Variants in ANK3 observed in about 807,000 individuals in gnomAD.
ANK3 encodes the protein ankyrin-3.
ANK3 carries 57 observed loss-of-function variants against 370.9 expected under a neutral mutation model. The ratio of observed to expected loss-of-function variants is 0.15; its 90% CI spans 0.12 to 0.19. The LOEUF is 0.19. Among genes scored for constraint, ANK3 ranks in the 10% least tolerant of loss-of-function variants. The probability of loss-of-function intolerance (pLI) is 1.00; values close to 1 mark genes in which losing one functional copy is unlikely to be tolerated. For missense variants in ANK3, 4,439 were observed against 5,302.1 expected (o/e 0.84, Z 5.06); for synonymous variants, 1,929 against 1,946.3 (o/e 0.99, Z 0.23).
chr10:60,372,136 C>T (rs1199246721), intron 1 of ANK3, among the ~76,000 whole-genome samples: 1 of 152,032 alleles, frequency 6.6e-6, no homozygotes, highest in Admixed American at 6.6e-5. Context: ...TATTTCAAAG[C>T]CAACCAAGAG....
At chr10:60,364,140 A>C (rs2059064440) in intron 1 of ANK3, among the ~76,000 whole-genome samples, 1 of 151,886 alleles carries the variant, frequency 6.6e-6, no homozygotes, top group South Asian at 2.1e-4. Context: ...CTAAAAATAC[A>C]AAAATTAGCC....
At chr10:60,444,438 G>T (rs2064384697) in intron 2 of ANK3, among the ~76,000 whole-genome samples, 1 of 149,470 alleles carries the variant, frequency 6.7e-6, no homozygotes, top group Non-Finnish European at 1.5e-5. Context: ...ACGTGTGTGT[G>T]TGTGTGTATA....
intron 1 of ANK3, among the ~76,000 whole-genome samples, chr10:60,687,536 AC>A (rs2079286629): frequency 6.9e-6 from 1 of 144,014 alleles, no homozygotes; most frequent in Admixed American, 6.8e-5. Flanking sequence ...ATAAAAAAAA[AC>A]ACACACACAC....
chr10:60,390,518 A>T (rs945014431), upstream of ANK3, among the ~76,000 whole-genome samples: 3 of 152,150 alleles, frequency 2.0e-5, no homozygotes, highest in Non-Finnish European at 4.4e-5. Flanking sequence ...CAATGACTGC[A>T]GCCTCTGAAT....
intron 28 of ANK3, among the ~76,000 whole-genome samples, chr10:60,088,651 G>A (rs144110227): frequency 1.8e-3 from 267 of 152,180 alleles, no homozygotes; most frequent in Non-Finnish European, 2.5e-3. Context: ...TCTCGAACTC[G>A]CGACCTCCGG....
intron 1 of ANK3, among the ~76,000 whole-genome samples, chr10:60,350,422 TG>T (rs1268628165): frequency 3.3e-5 from 5 of 152,136 alleles, no homozygotes; most frequent in Non-Finnish European, 7.4e-5. Flanking sequence ...TCAAGCAATA[TG>T]GGGTCTTCTA....
intron 1 of ANK3, among the ~76,000 whole-genome samples, chr10:60,731,840 CT>C (rs1411320411): frequency 6.6e-6 from 1 of 152,172 alleles, no homozygotes; most frequent in Non-Finnish European, 1.5e-5. Context: ...CTCTTCTATG[CT>C]TTTACGAATA....
chr10:60,719,638 G>A (rs1043908885), intron 1 of ANK3, among the ~76,000 whole-genome samples: 23 of 151,904 alleles, frequency 1.5e-4, no homozygotes, highest in African/African-American at 5.6e-4. Context: ...TCTTCTATGA[G>A]GTGTCTATTC....
chr10:60,137,208 C>A, intron 24 of ANK3: 3 of 174,266 alleles, frequency 1.7e-5, no homozygotes, highest in Non-Finnish European at 1.3e-5. Context: ...GTTTCTAAAG[C>A]TTTTGAGCAG....
intron 1 of ANK3, among the ~76,000 whole-genome samples, chr10:60,295,632 G>A (rs776610423): frequency 1.3e-5 from 2 of 151,878 alleles, no homozygotes; most frequent in Admixed American, 1.3e-4. Flanking sequence ...CTACAGCAGC[G>A]GTTCTCAAAC....
At chr10:60,146,064 A>G in intron 23 of ANK3, 1 of 1,529,052 alleles carries the variant, frequency 6.5e-7, no homozygotes, top group Non-Finnish European at 8.8e-7. Flanking sequence ...AAACAAAACA[A>G]AATATAGGGA....
At chr10:60,324,785 A>T (rs2049434951) in intron 1 of ANK3, among the ~76,000 whole-genome samples, 1 of 152,318 alleles carries the variant, frequency 6.6e-6, no homozygotes, top group East Asian at 1.9e-4. Flanking sequence ...TATCTATTAA[A>T]AATATAAGGT....
At chr10:60,628,677 T>C (rs933251097) in intron 1 of ANK3, among the ~76,000 whole-genome samples, 1 of 152,230 alleles carries the variant, frequency 6.6e-6, no homozygotes, top group East Asian at 1.9e-4. Flanking sequence ...AATTGGCAAG[T>C]TAAATAAATA....
At chr10:60,526,395 A>G (rs2076471548) in intron 2 of ANK3, among the ~76,000 whole-genome samples, 1 of 152,144 alleles carries the variant, frequency 6.6e-6, no homozygotes, top group Admixed American at 6.6e-5. Flanking sequence ...TATAAAATAT[A>G]ACATTATCCC....
At chr10:60,623,004 A>G (rs780903147) in intron 1 of ANK3, among the ~76,000 whole-genome samples, 2 of 152,238 alleles carry the variant, frequency 1.3e-5, no homozygotes, top group African/African-American at 2.4e-5. Context: ...ACAGAACTTA[A>G]GAGGGCTTAT....
rs143675967 is a variant in ANK3 at position 60,385,328 on chromosome 10, C to T, written c.114+4097G>A. ...TATCTTGCTGACTCCTCCTCCAAAG[C>T]TCAGCTTCATTGAGATTCTCCTCTG... On this transcript the variant is annotated intron_variant, in intron 1 of 43. Transcript: ENST00000280772. Among the ~76,000 whole-genome samples, 137 of 152,052 alleles carry T rather than the reference C, an allele frequency of 9.0e-4. 2 individuals are homozygous for T. In the East Asian group the frequency reaches 0.013, roughly 14 times the overall value.
chr10:60,193,129 C>T (rs1320740108), intron 16 of ANK3, among the ~76,000 whole-genome samples: 2 of 152,088 alleles, frequency 1.3e-5, no homozygotes, highest in African/African-American at 4.8e-5. Flanking sequence ...CTTATGGAGG[C>T]AATTGTGTAT....
chr10:60,388,036 T>C (rs953130956), intron 1 of ANK3, among the ~76,000 whole-genome samples: 5 of 152,150 alleles, frequency 3.3e-5, no homozygotes, highest in Non-Finnish European at 2.9e-5. Flanking sequence ...GGTAGTGACC[T>C]ACCCACAGAG....
chr10:60,084,382 G>A lies in ANK3; in HGVS notation c.4074+220C>T, dbSNP rs1036370188. On this transcript the variant is annotated intron_variant, in intron 32 of 43. Transcript: ENST00000280772. ...GACCGCGCCACTGCACTCCAGCCTC[G>A]GCAACAGAGCAAGGCTCCGTCTCAA... is the stretch of plus-strand genomic sequence containing the variant. 15 of 202,158 alleles carry A rather than the reference G, an allele frequency of 7.4e-5. No homozygotes were observed. The South Asian group carries it at 1.2e-3, about 17-fold the overall frequency. 12.5% of individuals were successfully genotyped at this position (202,158 alleles called of 1,614,324 possible).
Sources: gnomAD v4.1 joint callset for allele counts (sites outside exome capture counted in the v4.1 genomes callset) on GRCh38, gnomAD v4.1.1 for gene constraint, MANE v1.5 for transcripts, NCBI Gene and HGNC (gene_info 2026-07-23, HGNC 2026-07-21) for gene names.